BMERB1: variants seen among roughly 807,000 people sequenced by gnomAD.
The protein encoded by BMERB1 is bMERB domain-containing protein 1.
In BMERB1, 12 loss-of-function variants were observed where a neutral mutation model predicts 23.6. That is an observed-to-expected ratio of 0.51 (90% CI 0.33 to 0.82). The LOEUF (loss-of-function observed/expected upper bound fraction) is 0.82. BMERB1 is among the 40% of genes least tolerant of loss of function. The pLI, the probability that BMERB1 is intolerant of heterozygous loss-of-function variation, is 0.03. For synonymous variants in BMERB1, 122 were observed against 96.6 expected (o/e 1.26, Z -1.54); for missense variants, 247 against 255.4 (o/e 0.97, Z 0.22).
chr16:15,537,230 TG>T (rs1159367833), intron 2 of BMERB1, among the ~76,000 whole-genome samples: 1 of 152,242 alleles, frequency 6.6e-6, no homozygotes, highest in Admixed American at 6.5e-5. Flanking sequence ...CAATGACTAT[TG>T]CTTTCCATTT....
intron 2 of BMERB1, among the ~76,000 whole-genome samples, chr16:15,552,853 G>A (rs189686099): frequency 1.3e-5 from 2 of 152,330 alleles, no homozygotes. Context: ...CTTCATTCAT[G>A]TAAGGTGAGA....
intron 2 of BMERB1, among the ~76,000 whole-genome samples, chr16:15,562,908 C>G (rs1185756029): frequency 6.6e-6 from 1 of 152,206 alleles, no homozygotes; most frequent in Non-Finnish European, 1.5e-5. Context: ...CCTCTGACAA[C>G]AAGAGATGCA....
chr16:15,441,728 C>T (rs2050940798), intron 1 of BMERB1, among the ~76,000 whole-genome samples: 1 of 151,990 alleles, frequency 6.6e-6, no homozygotes, highest in South Asian at 2.1e-4. Flanking sequence ...GCTGTGTTTC[C>T]AGGCTAGTCT....
At chr16:15,453,815 A>C (rs905351380) in intron 1 of BMERB1, among the ~76,000 whole-genome samples, 1 of 152,114 alleles carries the variant, frequency 6.6e-6, no homozygotes, top group African/African-American at 2.4e-5. Flanking sequence ...TGGAGGTTGC[A>C]ATGAGTCGAG....
chr16:15,535,049 A>G (rs2052012402), intron 2 of BMERB1, among the ~76,000 whole-genome samples: 2 of 152,118 alleles, frequency 1.3e-5, no homozygotes, highest in South Asian at 4.1e-4. Flanking sequence ...CTGTGCTGCA[A>G]TATTCTATTA....
At chr16:15,505,712 A>G (rs2051581661) in intron 1 of BMERB1, among the ~76,000 whole-genome samples, 2 of 151,712 alleles carry the variant, frequency 1.3e-5, no homozygotes, top group South Asian at 4.2e-4. Flanking sequence ...ACATGGTGAA[A>G]CCCGTCTCTA....
Position 15,567,986 on chromosome 16 carries a change from G to A in BMERB1, c.234G>A (p.Met78Ile). The A allele has an allele frequency of 6.2e-7, 1 of 1,612,914 alleles. No individual in the cohort carries two copies. The highest frequency in any genetic ancestry group is 8.5e-7 in the Non-Finnish European group (1 of 1,179,054). The change falls in exon 3 of 6, where the codon ATG (methionine) becomes ATA (isoleucine). Residue 78 changes from methionine to isoleucine, a missense_variant. Physicochemically the swap from Met to Ile is conservative, Grantham distance 10. Coordinates refer to ENST00000300006, the MANE Select transcript of BMERB1 (RefSeq NM_033201.3). ...TGATGGTGTCCTGTTTCCCCAGGAT[G>A]GATGACATCCAGCTCTGCAAGGACA... ...VRRESELRFM[M>I]DDIQLCKDIM... is the part of the protein sequence containing the mutation.
At chr16:15,581,416 A>G (rs2031012288) in intron 4 of BMERB1, 85 bp downstream of exon 4, 3 of 1,117,494 alleles carry the variant, frequency 2.7e-6, no homozygotes, top group Non-Finnish European at 3.9e-6. Context: ...TGCTCCTGGG[A>G]CTCACAGCCT....
At chr16:15,505,536 A>G (rs925716287) in intron 1 of BMERB1, among the ~76,000 whole-genome samples, 8 of 152,162 alleles carry the variant, frequency 5.3e-5, no homozygotes, top group African/African-American at 1.9e-4. Flanking sequence ...TATGCCAAGT[A>G]AGAGTCATTT....
chr16:15,458,759 T>G (rs1005832803), intron 1 of BMERB1, among the ~76,000 whole-genome samples: 3 of 146,034 alleles, frequency 2.1e-5, no homozygotes, highest in African/African-American at 7.6e-5. Flanking sequence ...GAATTAAAAG[T>G]TCAAGGAAAC....
intron 2 of BMERB1, among the ~76,000 whole-genome samples, chr16:15,547,534 C>T (rs2029958149): frequency 6.6e-6 from 1 of 151,678 alleles, no homozygotes; most frequent in Non-Finnish European, 1.5e-5. Context: ...TTAGGTGAGA[C>T]GGGGTTTCAC....
chr16:15,504,778 TAA>T lies in BMERB1; in HGVS notation c.107-10517_107-10516del, dbSNP rs5815836. Among the ~76,000 whole-genome samples the T allele has an allele frequency of 6.6e-3, 981 of 148,826 alleles. 21 individuals are homozygous for T. The highest frequency in any genetic ancestry group is 0.023 in the African/African-American group (944 of 40,726). Reference sequence around the variant, plus strand: ...ACATTTTCTAGAAATATAAAAGTATTAAAAAAAAAAAGTATATTTAAAAACCC... The same window carrying T: ...ACATTTTCTAGAAATATAAAAGTATTAAAAAAAAAGTATATTTAAAAACCC... On this transcript the variant is annotated intron_variant, in intron 1 of 5. Transcript: ENST00000300006.
intron 1 of BMERB1, among the ~76,000 whole-genome samples, chr16:15,459,534 G>C (rs1319708686): frequency 1.3e-5 from 2 of 152,074 alleles, no homozygotes; most frequent in Admixed American, 6.5e-5. Flanking sequence ...GAGACAAAGA[G>C]GGACATTTTA....
chr16:15,526,024 A>C (rs1167614639), intron 2 of BMERB1, among the ~76,000 whole-genome samples: 1 of 152,204 alleles, frequency 6.6e-6, no homozygotes, highest in Non-Finnish European at 1.5e-5. Flanking sequence ...ATTTCAGTTT[A>C]AATTAATTAA....
In BMERB1 at chr16:15,588,060, TAAAAAAA is replaced by T. The variant is rs10706909; in HGVS notation, c.*1239_*1245del. 1 of 149,790 alleles carries T rather than the reference TAAAAAAA, an allele frequency of 6.7e-6. No homozygotes were observed. The highest frequency in any genetic ancestry group is 6.7e-5 in the Admixed American group (1 of 15,036). 9.3% of individuals were successfully genotyped at this position (149,790 alleles called of 1,614,324 possible). On this transcript the variant is annotated 3_prime_UTR_variant, in exon 6 of 6. Transcript: ENST00000300006. The stretch of plus-strand genomic sequence containing the variant: ...ACAAAAAGTATGAAGAAGTTTGTCT[TAAAAAAA>T]AAAAAAATTATTCCTCCAACTAGAG...
intron 1 of BMERB1, chr16:15,502,234 T>TA (rs2051537625): frequency 5.3e-6 from 8 of 1,504,728 alleles, no homozygotes; most frequent in South Asian, 2.4e-5. Flanking sequence ...TCGCAGAAGT[T>TA]AAAAAAATGT....
At chr16:15,546,985 C>G (rs2029937000) in intron 2 of BMERB1, among the ~76,000 whole-genome samples, 1 of 151,284 alleles carries the variant, frequency 6.6e-6, no homozygotes, top group African/African-American at 2.4e-5. Context: ...ACATTCCAGC[C>G]TTTGTATAAG....
chr16:15,437,301 G>A (rs536776072), intron 1 of BMERB1, among the ~76,000 whole-genome samples: 6 of 152,314 alleles, frequency 3.9e-5, no homozygotes, highest in African/African-American at 1.4e-4. Context: ...TGCTGGCTAT[G>A]TGACTTTAGG....
intron 1 of BMERB1, among the ~76,000 whole-genome samples, chr16:15,462,813 A>G (rs184053346): frequency 6.6e-6 from 1 of 152,332 alleles, no homozygotes; most frequent in African/African-American, 2.4e-5. Flanking sequence ...AATGTCAGGT[A>G]CAGTGACTCA....
Sources: allele counts gnomAD v4.1 joint callset (sites outside exome capture counted in the v4.1 genomes callset), GRCh38; gene constraint gnomAD v4.1.1; transcripts MANE v1.5; gene names NCBI Gene and HGNC (gene_info 2026-07-23, HGNC 2026-07-21).